HPD: variants seen among roughly 807,000 people sequenced by gnomAD.
HPD encodes the protein 4-hydroxyphenylpyruvic acid oxidase.
HPD carries 35 observed loss-of-function variants against 56.9 expected under a neutral mutation model. That is an observed-to-expected ratio of 0.62 (90% CI 0.47 to 0.82). The LOEUF (loss-of-function observed/expected upper bound fraction) is 0.82, where lower values mean the gene tolerates loss of function less well. Among genes scored for constraint, HPD ranks in the 40% least tolerant of loss-of-function variants. HPD has a pLI of 0.00. For missense variants in HPD, 442 were observed against 506.8 expected, an observed-to-expected ratio of 0.87 and a Z score of 1.23; for synonymous variants, 186 against 200.2, an observed-to-expected ratio of 0.93 and a Z score of 0.60.
chr12:121,869,672 C>T, the HPD span, among the ~76,000 whole-genome samples: 1 of 151,426 alleles, frequency 6.6e-6, no homozygotes, highest in African/African-American at 2.4e-5. Flanking sequence ...TTAAAGGCGC[C>T]CACCACCAGG....
intron 7 of HPD, among the ~76,000 whole-genome samples, chr12:121,851,741 G>A (rs368912976): frequency 0.69 from 28,207 of 40,994 alleles, 8,785 homozygotes; most frequent in Middle Eastern, 0.75. Context: ...ACGGAGTCTC[G>A]CTCTGTCGCC....
chr12:121,848,985 G>T lies in HPD; in HGVS notation c.596+14C>A. On this transcript the variant is annotated intron_variant, in intron 9 of 13. Transcript: ENST00000289004. The stretch of plus-strand genomic sequence containing the variant: ...CCGTCATCTTCACGCAGAGGGAGAG[G>T]GCCAAGGTCTCACCATTCGGAGGCG... 6.2e-7 allele frequency: 1 copy of T among 1,605,446 alleles called. No homozygotes were observed. The highest frequency in any genetic ancestry group is 8.5e-7 in the Non-Finnish European group (1 of 1,172,490).
the HPD span, among the ~76,000 whole-genome samples, chr12:121,887,394 ATT>A: frequency 6.6e-6 from 1 of 151,634 alleles, no homozygotes; most frequent in South Asian, 2.1e-4. Flanking sequence ...ATGTTAGTTT[ATT>A]TTTGAGGGGT....
At chr12:121,875,562 A>C in the HPD span, among the ~76,000 whole-genome samples, 2 of 151,912 alleles carry the variant, frequency 1.3e-5, no homozygotes, top group Admixed American at 1.3e-4. Context: ...AGTAGCTGGA[A>C]TTATAGGTAT....
At chr12:121,847,290 A>G (rs1051679486) in intron 9 of HPD, 76 bp from the exon 10 acceptor site, 4 of 1,388,644 alleles carry the variant, frequency 2.9e-6, no homozygotes, top group Non-Finnish European at 4.1e-6. Context: ...TCCACCTTCC[A>G]GAATCTGTCC....
the HPD span, among the ~76,000 whole-genome samples, chr12:121,870,387 A>T: frequency 1.3e-5 from 2 of 151,734 alleles, no homozygotes; most frequent in Non-Finnish European, 2.9e-5. Flanking sequence ...GCATGCCTGT[A>T]ATCCCAGCTA....
intron 3 of HPD, 162 bp downstream of exon 3, chr12:121,857,595 T>C: frequency 2.4e-6 from 2 of 831,102 alleles, no homozygotes; most frequent in Non-Finnish European, 4.1e-6. Context: ...TGCTGACAGA[T>C]AACTTTCCCG....
chr12:121,841,130 A>T (rs1408939070), intron 12 of HPD, among the ~76,000 whole-genome samples: 1 of 151,798 alleles, frequency 6.6e-6, no homozygotes, highest in Non-Finnish European at 1.5e-5. Flanking sequence ...TGAACCCGGG[A>T]AGTGGAGGTT....
chr12:121,846,365 C>T (rs190332205), intron 11 of HPD, among the ~76,000 whole-genome samples: 3 of 152,196 alleles, frequency 2.0e-5, no homozygotes, highest in East Asian at 3.9e-4. Flanking sequence ...TACAGGTGCC[C>T]GCAACCACGC....
upstream of HPD, among the ~76,000 whole-genome samples, chr12:121,867,919 C>T (rs1435346845): frequency 1.3e-5 from 2 of 152,118 alleles, no homozygotes; most frequent in Non-Finnish European, 2.9e-5. Context: ...ATTCTCCCAC[C>T]TTGGCCTCCC....
chr12:121,881,353 T>C, the HPD span, among the ~76,000 whole-genome samples: 3 of 152,140 alleles, frequency 2.0e-5, no homozygotes, highest in African/African-American at 4.8e-5. Flanking sequence ...CCCCAAGCCT[T>C]ATCACCTTCA....
upstream of HPD, among the ~76,000 whole-genome samples, chr12:121,863,343 G>A (rs1878234476): frequency 6.6e-6 from 1 of 152,178 alleles, no homozygotes; most frequent in Non-Finnish European, 1.5e-5. Flanking sequence ...AAAGCAACAA[G>A]CCGAGAGAGG....
chr12:121,860,649 G>A (rs943464489), upstream of HPD, among the ~76,000 whole-genome samples: 3 of 152,178 alleles, frequency 2.0e-5, no homozygotes, highest in Non-Finnish European at 2.9e-5. Context: ...CTTCATGCCC[G>A]ACCATGCAGA....
At chr12:121,841,116 C>T (rs1324696815) in intron 12 of HPD, among the ~76,000 whole-genome samples, 1 of 151,572 alleles carries the variant, frequency 6.6e-6, no homozygotes, top group Non-Finnish European at 1.5e-5. Flanking sequence ...GCAGGAGAAT[C>T]GCTTGAACCC....
intron 2 of HPD, among the ~76,000 whole-genome samples, chr12:121,858,483 C>A (rs1878085660): frequency 6.6e-6 from 1 of 152,118 alleles, no homozygotes; most frequent in South Asian, 2.1e-4. Flanking sequence ...CATGCCCGGC[C>A]AGGATACAAG....
chr12:121,866,874 C>G (rs1003689510), upstream of HPD, among the ~76,000 whole-genome samples: 1 of 151,986 alleles, frequency 6.6e-6, no homozygotes, highest in African/African-American at 2.4e-5. Flanking sequence ...AATTCCATTA[C>G]CCCAAAATGT....
At chr12:121,863,514 T>G (rs1878240348), upstream of HPD, 1 of 152,254 alleles carries the variant, frequency 6.6e-6, no homozygotes, top group African/African-American at 2.4e-5. Flanking sequence ...TCCCGCATCT[T>G]TGTCCTGACG....
upstream of HPD, among the ~76,000 whole-genome samples, chr12:121,864,573 G>T (rs1878272139): frequency 7.0e-6 from 1 of 142,614 alleles, no homozygotes; most frequent in Non-Finnish European, 1.5e-5. Flanking sequence ...AAAAAAAATG[G>T]CCGGGCGCAG....
Position 121,839,970 on chromosome 12 carries a change from T to C in HPD, c.1033A>G (p.Thr345Ala). 1 of 1,613,962 alleles carries C rather than the reference T, an allele frequency of 6.2e-7. No homozygotes were observed. The highest frequency in any genetic ancestry group is 8.5e-7 in the Non-Finnish European group (1 of 1,179,962). ...IFTKPVQDRP[T>A]LFLEVIQRHN... ...CGCTGGATGACTTCCAGGAAGAGCG[T>C]GGGCCGGTCCTGCACCGGTTTGGTG... The change falls in exon 13 of 14, where the codon ACG (threonine) becomes GCG (alanine). Residue 345 changes from threonine to alanine, a missense_variant. Coordinates refer to ENST00000289004, the MANE Select transcript of HPD (RefSeq NM_002150.3).
Sources: allele counts gnomAD v4.1 joint callset (sites outside exome capture counted in the v4.1 genomes callset), GRCh38; gene constraint gnomAD v4.1.1; transcripts MANE v1.5; gene names NCBI Gene and HGNC (gene_info 2026-07-23, HGNC 2026-07-21).